ZNF347: variants seen among roughly 807,000 people sequenced by gnomAD.
The protein encoded by ZNF347 is zinc finger protein 347.
Under a neutral mutation model 12.9 loss-of-function variants are expected in ZNF347, and 19 were observed. That is an observed-to-expected ratio of 1.47 (90% CI 1.03 to 2.16). The LOEUF is 2.16. ZNF347 is among the 30% of genes most tolerant of loss of function. ZNF347 has a pLI of 0.00. For missense variants in ZNF347, 1,005 were observed against 990.6 expected (o/e 1.01, Z -0.19); for synonymous variants, 328 against 340.6 (o/e 0.96, Z 0.41).
At chr19:53,148,275 C>A (rs982097082) in intron 4 of ZNF347, among the ~76,000 whole-genome samples, 3 of 152,170 alleles carry the variant, frequency 2.0e-5, no homozygotes, top group Non-Finnish European at 4.4e-5. Context: ...TCCACTAAAA[C>A]ACTCTTAAAA....
Position 53,135,316 on chromosome 19 carries a change from A to G in ZNF347, c.*4992T>C, listed in dbSNP as rs1340707568. 1 of 12,972 alleles carries G rather than the reference A, an allele frequency of 7.7e-5. No individual in the cohort carries two copies. The allele number at this position is 12,972 out of a possible 1,614,324, so 0.8% of individuals were successfully genotyped here. ...ATTTTCTAAATATATATATATATAT[A>G]TATATATATATATATATATATATAG... On this transcript the variant is annotated 3_prime_UTR_variant, in exon 5 of 5. Coordinates refer to ENST00000334197, the MANE Select transcript of ZNF347 (RefSeq NM_032584.3).
At chr19:53,145,078 G>A (rs188716561) in intron 4 of ZNF347, among the ~76,000 whole-genome samples, 100 of 152,038 alleles carry the variant, frequency 6.6e-4, no homozygotes, top group African/African-American at 2.3e-3. Flanking sequence ...ATCACCTGGC[G>A]TCAGGAGTTC....
chr19:53,142,686 T>A (rs2090437879), intron 4 of ZNF347, 130 bp from the exon 5 acceptor site: 1 of 690,438 alleles, frequency 1.4e-6, no homozygotes. Flanking sequence ...AACAGATTTA[T>A]GAAACTTCAG....
In ZNF347 at chr19:53,153,387, T is replaced by C. The variant is rs568053099; in HGVS notation, c.15+346A>G. The stretch of plus-strand genomic sequence containing the variant: ...ACGTGACTTCCACGTGCAGCTGCTC[T>C]AATCCTGCTCCACAGAGAGCTGACA... On this transcript the variant is annotated intron_variant, in intron 2 of 4. Coordinates refer to ENST00000334197, the MANE Select transcript of ZNF347 (RefSeq NM_032584.3). Among the ~76,000 whole-genome samples, 3 of 152,354 alleles carry C rather than the reference T, an allele frequency of 2.0e-5. No individual in the cohort carries two copies. The South Asian group carries it at 6.2e-4, about 32-fold the overall frequency.
At chr19:53,145,117 C>A (rs1486680224) in intron 4 of ZNF347, among the ~76,000 whole-genome samples, 12 of 151,722 alleles carry the variant, frequency 7.9e-5, no homozygotes, top group Admixed American at 7.2e-4. Context: ...ATGGTGAAAC[C>A]CTGTTTCTAC....
intron 4 of ZNF347, among the ~76,000 whole-genome samples, chr19:53,147,981 C>T (rs1427286663): frequency 6.6e-6 from 1 of 152,116 alleles, no homozygotes; most frequent in Admixed American, 6.6e-5. Context: ...AATAAAAAGT[C>T]TCAACAACTT....
chr19:53,150,218 T>C (rs1034780285), intron 2 of ZNF347, among the ~76,000 whole-genome samples: 2 of 152,128 alleles, frequency 1.3e-5, no homozygotes, highest in African/African-American at 4.8e-5. Context: ...AGTGTCAGAA[T>C]TGAACTGAAT....
chr19:53,154,320 A>T (rs1359980326), intron 1 of ZNF347, among the ~76,000 whole-genome samples: 5 of 142,506 alleles, frequency 3.5e-5, no homozygotes, highest in Admixed American at 7.0e-5. Context: ...CATTTCTCTT[A>T]AAAAAAAAAA....
At chr19:53,152,639 T>C (rs1440028896) in intron 2 of ZNF347, among the ~76,000 whole-genome samples, 2 of 150,986 alleles carry the variant, frequency 1.3e-5, no homozygotes, top group African/African-American at 4.9e-5. Flanking sequence ...ATTTAATAAT[T>C]GGTAAAACAG....
At chr19:53,150,889 A>C (rs563297949) in intron 2 of ZNF347, among the ~76,000 whole-genome samples, 30 of 152,162 alleles carry the variant, frequency 2.0e-4, no homozygotes, top group African/African-American at 7.0e-4. Context: ...ACAAGCACCC[A>C]CCACCACACC....
At chr19:53,153,608 A>C (rs2090512788) in intron 2 of ZNF347, 125 bp downstream of exon 2, 1 of 1,453,316 alleles carries the variant, frequency 6.9e-7, no homozygotes, top group Admixed American at 1.7e-5. Context: ...GAGGGAAGGC[A>C]CGCGTAAGTG....
Position 53,137,788 on chromosome 19 carries a change from C to T in ZNF347, c.*2520G>A, listed in dbSNP as rs1310872175. The T allele has an allele frequency of 6.6e-6, 1 of 152,042 alleles. No individual in the cohort carries two copies. Among genetic ancestry groups the T allele is most frequent in the African/African-American group, 2.4e-5 (1 of 41,396 alleles). The allele number at this position is 152,042 out of a possible 1,614,324, so 9.4% of individuals were successfully genotyped here. A position where few individuals can be genotyped will look rare whatever the true frequency, so the allele number is the denominator to read the frequency against. On this transcript the variant is annotated 3_prime_UTR_variant, in exon 5 of 5. Coordinates refer to ENST00000334197, the MANE Select transcript of ZNF347 (RefSeq NM_032584.3). ...TCTTAGTGTTATTTTTGTTATTCTG[C>T]ACTATTTATAATTTCATAATTTTTT...
In ZNF347 at chr19:53,140,041, C is replaced by A; in HGVS notation, c.*267G>T. The A allele has an allele frequency of 3.1e-6, 1 of 323,668 alleles. No individual in the cohort carries two copies. Among genetic ancestry groups the A allele is most frequent in the African/African-American group, 2.1e-5 (1 of 47,052 alleles). The allele number at this position is 323,668 out of a possible 1,614,324, so 20.0% of individuals were successfully genotyped here. On this transcript the variant is annotated 3_prime_UTR_variant, in exon 5 of 5. Transcript: ENST00000334197. ...TCAGCCTCCTATATAGCTGGGATTA[C>A]AGGCGCACGCCACCAGGCCTAGCTA...
intron 1 of ZNF347, 54 bp from the exon 2 acceptor site, chr19:53,153,847 C>T (rs2090514589): frequency 2.9e-6 from 4 of 1,362,890 alleles, no homozygotes; most frequent in Non-Finnish European, 4.2e-6. Flanking sequence ...CCAAAATGTG[C>T]TGTTTATTGC....
intron 4 of ZNF347, among the ~76,000 whole-genome samples, chr19:53,146,935 T>C (rs1024849184): frequency 6.6e-6 from 1 of 152,112 alleles, no homozygotes; most frequent in Admixed American, 6.6e-5. Flanking sequence ...TACCAAACAC[T>C]TGAAGAAGAA....
At chr19:53,149,166 T>C in intron 3 of ZNF347, 75 bp downstream of exon 3, 1 of 1,588,284 alleles carries the variant, frequency 6.3e-7, no homozygotes, top group Non-Finnish European at 8.5e-7. Context: ...ATGCATGAGC[T>C]CCCAGGAGAG....
chr19:53,158,383 A>T (rs1171283941), intron 1 of ZNF347, among the ~76,000 whole-genome samples: 2 of 152,222 alleles, frequency 1.3e-5, no homozygotes, highest in East Asian at 3.9e-4. Context: ...GGGGCCGACG[A>T]GGGCGAGGCT....
In ZNF347 at chr19:53,136,462, T is replaced by C. The variant is rs2146792490; in HGVS notation, c.*3846A>G. On this transcript the variant is annotated 3_prime_UTR_variant, in exon 5 of 5. Transcript: ENST00000334197. The stretch of plus-strand genomic sequence containing the variant: ...AAAACAAAAAGTCATTTTACTACTA[T>C]TGGCTCATGGCTGTAATCCTAGCAC... 6.6e-6 allele frequency: 1 copy of C among 151,998 alleles called. No individual in the cohort carries two copies. The highest frequency in any genetic ancestry group is 1.5e-5 in the Non-Finnish European group (1 of 67,956). The allele number at this position is 151,998 out of a possible 1,614,324, so 9.4% of individuals were successfully genotyped here.
In ZNF347 at chr19:53,141,401, T is replaced by A; in HGVS notation, c.1427A>T (p.Gln476Leu). 1 of 1,613,566 alleles carries A rather than the reference T, an allele frequency of 6.2e-7. No individual in the cohort carries two copies. Among genetic ancestry groups the A allele is most frequent in the South Asian group, 1.1e-5 (1 of 91,036 alleles). ...AGGTTTCTCTCCAGTATGAATTAGCTGATGCCTTGCAAGGTGTGAATTACG... is the reference window on the plus strand; with the variant it reads ...AGGTTTCTCTCCAGTATGAATTAGCAGATGCCTTGCAAGGTGTGAATTACG... ...FRRNSHLARH[Q>L]LIHTGEKPYK... Residue 476 changes from glutamine to leucine, a missense_variant, in exon 5 of 5, where the codon CAG (glutamine) becomes CTG (leucine). By Grantham distance (113) the Gln-to-Leu change is moderately radical. Transcript: ENST00000334197.
Sources: allele counts gnomAD v4.1 joint callset (sites outside exome capture counted in the v4.1 genomes callset), GRCh38; gene constraint gnomAD v4.1.1; transcripts MANE v1.5; gene names NCBI Gene and HGNC (gene_info 2026-07-23, HGNC 2026-07-21).